Variants in OPTC observed in about 807,000 individuals in gnomAD.
OPTC encodes opticin.
In OPTC, 22 loss-of-function variants were observed where a neutral mutation model predicts 25.4. That is an observed-to-expected ratio of 0.87 (90% CI 0.62 to 1.24). The LOEUF (loss-of-function observed/expected upper bound fraction) is 1.24. OPTC is among the 50% of genes most tolerant of loss of function. The probability of loss-of-function intolerance (pLI) is 0.00; values close to 1 mark genes in which losing one functional copy is unlikely to be tolerated. For synonymous variants in OPTC, 169 were observed against 179.3 expected, an observed-to-expected ratio of 0.94 and a Z score of 0.46; for missense variants, 417 against 425.2, an observed-to-expected ratio of 0.98 and a Z score of 0.17.
rs1214426210 is a variant in OPTC, at chr1:203,497,000, T to C, written c.255T>C (p.Pro85=). The change falls in exon 3 of 8, where the codon CCT becomes CCC. Residue 85 remains proline (P), a synonymous_variant. Transcript: ENST00000367222. The part of the protein sequence containing the change: ...LPEVKVTSLA[P]ATSISPAKST... ...AGGTTAAGGTGACTAGCCTCGCTCC[T>C]GCAACCAGCATCAGTCCCGCCAAGA... 6.2e-7 allele frequency: 1 copy of C among 1,614,114 alleles called. No homozygotes were observed. Among genetic ancestry groups the C allele is most frequent in the East Asian group, 2.2e-5 (1 of 44,884 alleles).
At chr1:203,501,836 G>A (rs1247208397) in intron 5 of OPTC, among the ~76,000 whole-genome samples, 4 of 152,148 alleles carry the variant, frequency 2.6e-5, no homozygotes, top group East Asian at 1.9e-4. Flanking sequence ...TCAGTTTTTC[G>A]GTCTCAAAGA....
Position 203,499,691 on chromosome 1 carries a change from C to T in OPTC, c.572C>T (p.Ser191Phe). 6.2e-7 allele frequency: 1 copy of T among 1,613,660 alleles called. No homozygotes were observed. Among genetic ancestry groups the T allele is most frequent in the Non-Finnish European group, 8.5e-7 (1 of 1,179,950 alleles). ...GACCTCTCCAACAACCTCATTTCCT[C>T]CATCGATAATGATGCCTTCCGCCTG... ...RIDLSNNLIS[S>F]IDNDAFRLLH... The change falls in exon 5 of 8, where the codon TCC (serine) becomes TTC (phenylalanine). Residue 191 changes from serine to phenylalanine, a missense_variant. Ser to Phe is a radical substitution (Grantham distance 155, BLOSUM62 -2). Coordinates refer to ENST00000367222, the MANE Select transcript of OPTC (RefSeq NM_014359.4).
chr1:203,504,195 C>A (rs1444416883), intron 7 of OPTC, among the ~76,000 whole-genome samples: 3 of 152,172 alleles, frequency 2.0e-5, no homozygotes, highest in African/African-American at 7.2e-5. Context: ...TTGTTAAACA[C>A]AGCCATTATG....
chr1:203,497,195 G>C, intron 3 of OPTC, 80 bp downstream of exon 3: 1 of 1,530,922 alleles, frequency 6.5e-7, no homozygotes, highest in Non-Finnish European at 9.0e-7. Flanking sequence ...GGGTACCAAA[G>C]TGGAACGTGG....
Position 203,499,689 on chromosome 1 carries a change from C to G in OPTC, c.570C>G (p.Ser190=). ...TTGACCTCTCCAACAACCTCATTTC[C>G]TCCATCGATAATGATGCCTTCCGCC... ...KRIDLSNNLI[S]SIDNDAFRLL... The change falls in exon 5 of 8, where the codon TCC becomes TCG. Residue 190 remains serine (S), a synonymous_variant. Transcript: ENST00000367222. The G allele has an allele frequency of 6.2e-7, 1 of 1,613,636 alleles. No individual in the cohort carries two copies. Among genetic ancestry groups the G allele is most frequent in the Non-Finnish European group, 8.5e-7 (1 of 1,179,942 alleles).
At chr1:203,500,991 G>A (rs1448142608) in intron 5 of OPTC, among the ~76,000 whole-genome samples, 1 of 152,196 alleles carries the variant, frequency 6.6e-6, no homozygotes, top group Non-Finnish European at 1.5e-5. Context: ...GTTTGGCTTG[G>A]AATAGTGCTG....
intron 3 of OPTC, among the ~76,000 whole-genome samples, chr1:203,497,527 A>G (rs930992794): frequency 7.2e-5 from 11 of 152,144 alleles, no homozygotes; most frequent in Admixed American, 5.2e-4. Context: ...AAGCAGTCAC[A>G]CTGCTTTTCA....
intron 1 of OPTC, among the ~76,000 whole-genome samples, chr1:203,495,259 C>T (rs963614041): frequency 2.0e-5 from 3 of 152,152 alleles, no homozygotes; most frequent in African/African-American, 7.2e-5. Flanking sequence ...TGGCTCACAC[C>T]TGTAATTCCA....
At chr1:203,504,767 T>C (rs1661449996) in intron 7 of OPTC, among the ~76,000 whole-genome samples, 1 of 152,238 alleles carries the variant, frequency 6.6e-6, no homozygotes, top group South Asian at 2.1e-4. Context: ...CTGGCCAGTC[T>C]CTTGAGCGTG....
Position 203,503,688 on chromosome 1 carries a change from C to T in OPTC, c.967C>T (p.Leu323=), listed in dbSNP as rs1355030767. 2 of 1,610,870 alleles carry T rather than the reference C, an allele frequency of 1.2e-6. No individual in the cohort carries two copies. Among genetic ancestry groups the T allele is most frequent in the African/African-American group, 1.3e-5 (1 of 74,912 alleles). ...LSLFPSAYFC[L]PRLPIGRFT is the part of the protein sequence containing the mutation. The stretch of plus-strand genomic sequence containing the variant: ...CCTCTTCCCCAGCGCCTACTTCTGC[C>T]TGCCTCGGCTCCCCATCGGCCGCTT... Residue 323 remains leucine, a synonymous_variant, in exon 7 of 8, where the codon CTG becomes TTG. Transcript: ENST00000367222.
At chr1:203,500,291 C>A (rs1187496897) in intron 5 of OPTC, among the ~76,000 whole-genome samples, 1 of 58,246 alleles carries the variant, frequency 1.7e-5, no homozygotes, top group Non-Finnish European at 3.4e-5. Context: ...CTCCACCACC[C>A]ACCTCCACCA....
intron 7 of OPTC, among the ~76,000 whole-genome samples, chr1:203,504,072 G>C (rs967850646): frequency 2.6e-5 from 4 of 152,200 alleles, no homozygotes; most frequent in African/African-American, 9.7e-5. Context: ...GAGGAAGAGG[G>C]GGAGGAGGAA....
intron 3 of OPTC, among the ~76,000 whole-genome samples, chr1:203,497,816 C>T (rs997546779): frequency 1.1e-4 from 16 of 152,108 alleles, no homozygotes; most frequent in African/African-American, 3.1e-4. Flanking sequence ...CTTAAAGAGG[C>T]CATAAAGGGC....
chr1:203,498,918 T>TGTTAGTGC (rs1022003583), intron 4 of OPTC, 79 bp downstream of exon 4: 1 of 1,495,892 alleles, frequency 6.7e-7, no homozygotes. Context: ...ACCAACACTG[T>TGTTAGTGC]GTTAGTGCCC....
chr1:203,499,997 C>A, intron 5 of OPTC, 146 bp downstream of exon 5: 1 of 672,374 alleles, frequency 1.5e-6, no homozygotes, highest in Non-Finnish European at 2.6e-6. Context: ...CCACCTCTAC[C>A]ACCACCCACT....
At chr1:203,505,553 C>T (rs1326794459) in intron 7 of OPTC, among the ~76,000 whole-genome samples, 1 of 152,328 alleles carries the variant, frequency 6.6e-6, no homozygotes, top group East Asian at 1.9e-4. Context: ...TGGATCCTCA[C>T]GGCGGTCCTG....
In OPTC at chr1:203,498,587, C is replaced by T; in HGVS notation, c.371-94C>T. On this transcript the variant is annotated intron_variant, in intron 3 of 7. Transcript: ENST00000367222. ...CAACCCATAGGCTATCAAAAAGGCA[C>T]AGATGGCCATGGTTCAGACACTCCC... The T allele has an allele frequency of 2.0e-6, 3 of 1,498,202 alleles. No individual in the cohort carries two copies. In the South Asian group the frequency reaches 3.4e-5, roughly 17 times the overall value. The allele number at this position is 1,498,202 out of a possible 1,614,324, so 92.8% of individuals were successfully genotyped here. A position where few individuals can be genotyped will look rare whatever the true frequency, so the allele number is the denominator to read the frequency against.
Position 203,503,735 on chromosome 1 carries a change from A to G in OPTC, c.*15A>G, listed in dbSNP as rs985587251. On this transcript the variant is annotated 3_prime_UTR_variant, in exon 7 of 8. Coordinates refer to ENST00000367222, the MANE Select transcript of OPTC (RefSeq NM_014359.4). ...GCTTCACGTAGCTCGGAGCCCTTCC[A>G]CTCCTCCCAGGTAAGAACCCTCCAA... 8 of 1,595,738 alleles carry G rather than the reference A, an allele frequency of 5.0e-6. No individual in the cohort carries two copies. The highest frequency in any genetic ancestry group is 6.8e-6 in the Non-Finnish European group (8 of 1,178,634).
At position 203,508,792 on chromosome 1, in the gene OPTC, C is replaced by T. The variant is rs1661544935; in HGVS notation, c.*172C>T. The T allele has an allele frequency of 2.0e-5, 3 of 152,242 alleles. No homozygotes were observed. The highest frequency in any genetic ancestry group is 2.0e-4 in the Admixed American group (3 of 15,288). 9.4% of individuals were successfully genotyped at this position (152,242 alleles called of 1,614,324 possible). A position where few individuals can be genotyped will look rare whatever the true frequency, so the allele number is the denominator to read the frequency against. On this transcript the variant is annotated 3_prime_UTR_variant, in exon 8 of 8. Coordinates refer to ENST00000367222, the MANE Select transcript of OPTC (RefSeq NM_014359.4). ...TCCCCACAGCTCTCACGTCTCCCTT[C>T]TCCCTGCGGGTGACAAAGAAGCCCA...
Sources: allele counts gnomAD v4.1 joint callset (sites outside exome capture counted in the v4.1 genomes callset), GRCh38; gene constraint gnomAD v4.1.1; transcripts MANE v1.5; gene names NCBI Gene and HGNC (gene_info 2026-07-23, HGNC 2026-07-21).